DPYD: variants seen among roughly 807,000 people sequenced by gnomAD.
DPYD encodes dihydropyrimidine dehydrogenase [NADP(+)].
In DPYD, 109 loss-of-function variants were observed where a neutral mutation model predicts 116.2. The ratio of observed to expected loss-of-function variants is 0.94; its 90% confidence interval spans 0.80 to 1.10. The LOEUF (loss-of-function observed/expected upper bound fraction) is 1.10. Ranked by LOEUF, DPYD falls within the 50% of genes least tolerant of loss-of-function variation. The pLI is 0.00. For missense variants in DPYD, 1,302 were observed against 1,254.5 expected, an observed-to-expected ratio of 1.04 and a Z score of -0.57; for synonymous variants, 440 against 432.0, an observed-to-expected ratio of 1.02 and a Z score of -0.23.
intron 16 of DPYD, among the ~76,000 whole-genome samples, chr1:97,351,964 T>C (rs1290493997): frequency 6.6e-6 from 1 of 152,170 alleles, no homozygotes. Context: ...TTACAAAAAT[T>C]TGTAGCCATA....
intron 14 of DPYD, among the ~76,000 whole-genome samples, chr1:97,408,244 G>A (rs1673785540): frequency 6.6e-6 from 1 of 152,144 alleles, no homozygotes; most frequent in Non-Finnish European, 1.5e-5. Flanking sequence ...AGAATGGGTA[G>A]TAGAAGAAGG....
chr1:97,880,500 C>A (rs1302255636), intron 2 of DPYD, among the ~76,000 whole-genome samples: 1 of 151,518 alleles, frequency 6.6e-6, no homozygotes, highest in African/African-American at 2.4e-5. Context: ...TCAACCCTAG[C>A]TTCATATTTC....
At position 97,812,280 on chromosome 1, in the gene DPYD, C is replaced by T. The variant is rs566486194; in HGVS notation, c.233+15834G>A. Reference sequence around the variant, plus strand: ...TTATACCTTAGCACCCAGCCTTGTGCCTGGTATTTGACAGGCCTCATAAAT... The same window carrying T: ...TTATACCTTAGCACCCAGCCTTGTGTCTGGTATTTGACAGGCCTCATAAAT... On this transcript the variant is annotated intron_variant, in intron 3 of 22. Transcript: ENST00000370192. Among the ~76,000 whole-genome samples the T allele has an allele frequency of 2.6e-5, 4 of 152,206 alleles. No individual in the cohort carries two copies. The South Asian group carries it at 8.3e-4, about 32-fold the overall frequency.
chr1:97,755,953 A>T (rs1452835307), intron 3 of DPYD, among the ~76,000 whole-genome samples: 2 of 152,208 alleles, frequency 1.3e-5, no homozygotes. Context: ...TTTAATAGCC[A>T]CTTGGAAGTA....
chr1:97,239,610 C>T (rs1662188953), intron 18 of DPYD, among the ~76,000 whole-genome samples: 1 of 151,944 alleles, frequency 6.6e-6, no homozygotes, highest in African/African-American at 2.4e-5. Flanking sequence ...ACCAGTATTC[C>T]ATTAGAAACA....
At chr1:97,240,549 A>G (rs950043550) in intron 18 of DPYD, among the ~76,000 whole-genome samples, 2 of 152,020 alleles carry the variant, frequency 1.3e-5, no homozygotes, top group Admixed American at 6.6e-5. Flanking sequence ...TGGCAATAAA[A>G]CAGAAATTGG....
intron 4 of DPYD, among the ~76,000 whole-genome samples, chr1:97,739,816 C>G (rs1307123753): frequency 6.6e-6 from 1 of 151,890 alleles, no homozygotes; most frequent in Non-Finnish European, 1.5e-5. Flanking sequence ...TGGGCTTAGA[C>G]TTACATTGAT....
intron 3 of DPYD, among the ~76,000 whole-genome samples, chr1:97,816,465 T>G (rs1668613436): frequency 6.6e-6 from 1 of 152,112 alleles, no homozygotes; most frequent in African/African-American, 2.4e-5. Context: ...CAATCAATAT[T>G]TTTTCAATCG....
chr1:97,677,968 G>A (rs1335021136), intron 8 of DPYD, among the ~76,000 whole-genome samples: 1 of 152,140 alleles, frequency 6.6e-6, no homozygotes, highest in African/African-American at 2.4e-5. Context: ...CTGCCGAAGA[G>A]ACAGACAAAG....
At chr1:97,432,737 C>T (rs1177534300) in intron 14 of DPYD, among the ~76,000 whole-genome samples, 1 of 152,090 alleles carries the variant, frequency 6.6e-6, no homozygotes, top group Non-Finnish European at 1.5e-5. Flanking sequence ...GAAAAGGGCA[C>T]ACCACTTCTC....
At chr1:97,574,045 T>C in intron 10 of DPYD, 75 bp from the exon 11 acceptor site, 1 of 1,570,926 alleles carries the variant, frequency 6.4e-7, no homozygotes, top group Non-Finnish European at 8.6e-7. Context: ...CTAATTGAAT[T>C]ACACATGCTA....
intron 20 of DPYD, among the ~76,000 whole-genome samples, chr1:97,144,888 C>A (rs1190735228): frequency 6.6e-6 from 1 of 152,154 alleles, no homozygotes; most frequent in Non-Finnish European, 1.5e-5. Context: ...GGCATCAGTT[C>A]TCTCACTAAA....
chr1:97,341,401 A>AT (rs1418792537), intron 16 of DPYD, among the ~76,000 whole-genome samples: 2 of 152,046 alleles, frequency 1.3e-5, no homozygotes, highest in Admixed American at 6.6e-5. Context: ...GACAAGTAAA[A>AT]TTTTTTCTCA....
intron 20 of DPYD, among the ~76,000 whole-genome samples, chr1:97,136,405 T>C (rs1015776606): frequency 7.2e-5 from 11 of 152,178 alleles, no homozygotes; most frequent in African/African-American, 2.7e-4. Flanking sequence ...GCATGTCTCA[T>C]GTTTAGCACT....
At chr1:97,905,025 T>C (rs1317725518) in intron 1 of DPYD, among the ~76,000 whole-genome samples, 1 of 152,068 alleles carries the variant, frequency 6.6e-6, no homozygotes, top group East Asian at 1.9e-4. Flanking sequence ...TAAAATTATA[T>C]TTATTTTAAG....
chr1:97,712,062 C>T (rs1417055290), intron 5 of DPYD, among the ~76,000 whole-genome samples: 1 of 151,918 alleles, frequency 6.6e-6, no homozygotes, highest in Non-Finnish European at 1.5e-5. Context: ...TAGTATTGCA[C>T]AATATTACCA....
intron 13 of DPYD, among the ~76,000 whole-genome samples, chr1:97,474,044 GA>G (rs1407812922): frequency 6.8e-6 from 1 of 146,448 alleles, no homozygotes; most frequent in Non-Finnish European, 1.5e-5. Flanking sequence ...GAAAGAAAAT[GA>G]AAAAGAAAAC....
At chr1:97,733,877 TA>T (rs1444353426) in intron 4 of DPYD, among the ~76,000 whole-genome samples, 2 of 152,188 alleles carry the variant, frequency 1.3e-5, no homozygotes, top group African/African-American at 4.8e-5. Context: ...TTTTTTCATT[TA>T]CATCTTACTG....
chr1:97,124,924 C>T (rs534006030), intron 20 of DPYD, among the ~76,000 whole-genome samples: 3 of 152,194 alleles, frequency 2.0e-5, no homozygotes, highest in South Asian at 2.1e-4. Flanking sequence ...TTAGAGAGTA[C>T]GTACTTTTCC....
Sources: gnomAD v4.1 joint callset for allele counts (sites outside exome capture counted in the v4.1 genomes callset) on GRCh38, gnomAD v4.1.1 for gene constraint, MANE v1.5 for transcripts, NCBI Gene and HGNC (gene_info 2026-07-23, HGNC 2026-07-21) for gene names.